The following TAF2 variants were observed in gnomAD, a reference collection of about 807,000 sequenced individuals.
TAF2 encodes the protein transcription initiation factor TFIID subunit 2.
Under a neutral mutation model 138.5 loss-of-function variants are expected in TAF2, and 61 were observed. The ratio of observed to expected loss-of-function variants is 0.44; its 90% confidence interval spans 0.36 to 0.54. The LOEUF (loss-of-function observed/expected upper bound fraction) is 0.54, where lower values mean the gene tolerates loss of function less well. Ranked by LOEUF, TAF2 falls within the 20% of genes least tolerant of loss-of-function variation. TAF2 has a pLI of 0.00. For missense variants in TAF2, 1,090 were observed against 1,427.9 expected, an observed-to-expected ratio of 0.76 and a Z score of 3.81; for synonymous variants, 475 against 469.9, an observed-to-expected ratio of 1.01 and a Z score of -0.14.
intron 20 of TAF2, among the ~76,000 whole-genome samples, chr8:119,759,158 C>CA (rs1197102072): frequency 6.6e-6 from 1 of 151,898 alleles, no homozygotes; most frequent in East Asian, 1.9e-4. Context: ...TCTTTCATGC[C>CA]AAAAAATACA....
intron 3 of TAF2, among the ~76,000 whole-genome samples, chr8:119,814,123 T>C (rs1008569903): frequency 6.6e-6 from 1 of 151,932 alleles, no homozygotes; most frequent in Non-Finnish European, 1.5e-5. Context: ...GCTCTGTCTT[T>C]AAAAATATAA....
At chr8:119,781,561 TC>T (rs888811480) in intron 16 of TAF2, among the ~76,000 whole-genome samples, 112 of 152,080 alleles carry the variant, frequency 7.4e-4, no homozygotes, top group African/African-American at 2.7e-3. Flanking sequence ...GTGCCTGTAA[TC>T]CCAGCTACTT....
intron 6 of TAF2, 53 bp from the exon 7 acceptor site, chr8:119,797,899 T>A: frequency 6.4e-7 from 1 of 1,561,264 alleles, no homozygotes. Flanking sequence ...AAATTTAATA[T>A]TGGAAATTTC....
intron 22 of TAF2, among the ~76,000 whole-genome samples, chr8:119,749,756 C>T (rs1820222780): frequency 6.6e-6 from 1 of 152,132 alleles, no homozygotes; most frequent in Non-Finnish European, 1.5e-5. Flanking sequence ...CCTCTGATTT[C>T]TGCCTTCAGT....
chr8:119,783,006 C>T (rs1822777596), intron 16 of TAF2, among the ~76,000 whole-genome samples: 2 of 101,654 alleles, frequency 2.0e-5, no homozygotes, highest in African/African-American at 4.3e-5. Context: ...CACACACCCA[C>T]AGACACACAC....
At chr8:119,756,453 C>T (rs1820709497) in intron 21 of TAF2, among the ~76,000 whole-genome samples, 4 of 152,100 alleles carry the variant, frequency 2.6e-5, no homozygotes, top group Admixed American at 2.6e-4. Flanking sequence ...CAATCTCTCC[C>T]ATCCCACTTT....
chr8:119,745,839 GATA>G (rs1413534494), intron 23 of TAF2, among the ~76,000 whole-genome samples: 21 of 144,012 alleles, frequency 1.5e-4, no homozygotes, highest in Non-Finnish European at 3.2e-4. Flanking sequence ...GTGTGTGTGT[GATA>G]TAAAATGTTT....
Position 119,820,565 on chromosome 8 carries a change from C to CA in TAF2, c.139-1060dup, listed in dbSNP as rs1825750306. ...CTTTTTACAGATAAGATAAGAAAGG[C>CA]AAAAAAAGTAGGTCAGTAATAAGTA... On this transcript the variant is annotated intron_variant, in intron 2 of 25. Coordinates refer to ENST00000378164, the MANE Select transcript of TAF2 (RefSeq NM_003184.4). 1.3e-5 allele frequency among the ~76,000 whole-genome samples: 2 copies of CA among 151,796 alleles called. 1 individual carries two copies. Among genetic ancestry groups the CA allele is most frequent in the Admixed American group, 1.3e-4 (2 of 15,248 alleles).
At chr8:119,743,908 G>A (rs889036229) in intron 24 of TAF2, among the ~76,000 whole-genome samples, 2 of 152,064 alleles carry the variant, frequency 1.3e-5, no homozygotes, top group Admixed American at 6.6e-5. Flanking sequence ...AATATTATAT[G>A]AGATAGGCAG....
intron 22 of TAF2, among the ~76,000 whole-genome samples, chr8:119,752,943 AATG>A (rs1435379392): frequency 6.6e-6 from 1 of 152,126 alleles, no homozygotes; most frequent in African/African-American, 2.4e-5. Flanking sequence ...GAAGCCCCAA[AATG>A]AGGAGCAGGC....
chr8:119,819,238 G>A, intron 3 of TAF2, 108 bp downstream of exon 3: 3 of 1,123,596 alleles, frequency 2.7e-6, no homozygotes, highest in Non-Finnish European at 3.9e-6. Context: ...GGGATTCAAA[G>A]CCCATTAACG....
intron 18 of TAF2, among the ~76,000 whole-genome samples, chr8:119,766,118 A>G (rs1030163144): frequency 2.0e-5 from 3 of 152,208 alleles, no homozygotes; most frequent in African/African-American, 7.2e-5. Flanking sequence ...AAATAGATTC[A>G]TTTTTACAAC....
In TAF2 at chr8:119,804,036, T is replaced by C. The variant is rs748593915; in HGVS notation, c.419-17A>G. 14 of 1,613,458 alleles carry C rather than the reference T, an allele frequency of 8.7e-6. No homozygotes were observed. The highest frequency in any genetic ancestry group is 6.6e-5 in the South Asian group (6 of 91,074). On this transcript the variant is annotated splice_polypyrimidine_tract_variant and intron_variant, in intron 4 of 25. Coordinates refer to ENST00000378164, the MANE Select transcript of TAF2 (RefSeq NM_003184.4). ...CCTTTAACTCTGCAACAAATAAACATATACACACATTGATACATAAGTTAC... is the reference window on the plus strand; with the variant it reads ...CCTTTAACTCTGCAACAAATAAACACATACACACATTGATACATAAGTTAC...
At chr8:119,776,889 A>G (rs898648085) in intron 18 of TAF2, among the ~76,000 whole-genome samples, 3 of 138,432 alleles carry the variant, frequency 2.2e-5, no homozygotes, top group African/African-American at 7.3e-5. Flanking sequence ...TTCAAAGTAG[A>G]CACTATAGCT....
At chr8:119,824,653 G>C (rs181707538) in intron 2 of TAF2, among the ~76,000 whole-genome samples, 2 of 152,082 alleles carry the variant, frequency 1.3e-5, no homozygotes, top group African/African-American at 4.8e-5. Flanking sequence ...GGGTCCCTAC[G>C]CTGTGTGCAG....
In TAF2 at chr8:119,797,081, T is replaced by C. The variant is rs1345776042; in HGVS notation, c.1000A>G (p.Met334Val). 14 of 1,612,968 alleles carry C rather than the reference T, an allele frequency of 8.7e-6. No individual in the cohort carries two copies. The highest frequency in any genetic ancestry group is 1.2e-5 in the Non-Finnish European group (14 of 1,179,242). ...GTCAAAGGTGTCTCATCTATAATCA[T>C]GGCACTGTGTAAAAGATTTGTGCTG... is the stretch of plus-strand genomic sequence containing the variant. ...IFSTNLLHSA[M>V]IIDETPLTRR... Residue 334 changes from methionine (M) to valine (V), a missense_variant, in exon 8 of 26, where the codon ATG becomes GTG. Around this residue, in one of 3 missense-constraint regions of TAF2, gnomAD observed 504 missense variants for 680.9 expected, o/e 0.74. Transcript: ENST00000378164.
chr8:119,785,126 TA>T, intron 15 of TAF2, 74 bp downstream of exon 15: 1 of 1,183,916 alleles, frequency 8.4e-7, no homozygotes, highest in Non-Finnish European at 1.3e-6. Context: ...TATACACTTT[TA>T]CGTACGCATA....
intron 2 of TAF2, among the ~76,000 whole-genome samples, chr8:119,828,044 A>G (rs769698527): frequency 1.6e-4 from 24 of 151,766 alleles, no homozygotes; most frequent in Non-Finnish European, 2.6e-4. Context: ...CGCCTGGCCA[A>G]TTCTTGTATT....
chr8:119,822,146 A>G (rs2131261382), intron 2 of TAF2, among the ~76,000 whole-genome samples: 1 of 152,046 alleles, frequency 6.6e-6, no homozygotes, highest in East Asian at 1.9e-4. Flanking sequence ...CTATACAGGT[A>G]CATCATCCTT....
Sources: allele counts gnomAD v4.1 joint callset (sites outside exome capture counted in the v4.1 genomes callset), GRCh38; gene constraint gnomAD v4.1.1; regional missense constraint gnomAD v4.1.1; transcripts MANE v1.5; gene names NCBI Gene and HGNC (gene_info 2026-07-23, HGNC 2026-07-21).